MEF2A: variants seen among roughly 807,000 people sequenced by gnomAD.
MEF2A encodes the protein myocyte enhancer factor 2A.
In MEF2A, 28 loss-of-function variants were observed where a neutral mutation model predicts 55.8. The ratio of observed to expected loss-of-function variants is 0.50; its 90% CI spans 0.37 to 0.69. The LOEUF (loss-of-function observed/expected upper bound fraction) is 0.69, where lower values mean the gene tolerates loss of function less well. MEF2A is among the 30% of genes least tolerant of loss of function. The pLI is 0.00. For missense variants in MEF2A, 528 were observed against 626.2 expected (o/e 0.84, Z 1.67); for synonymous variants, 239 against 227.1 (o/e 1.05, Z -0.47).
intron 4 of MEF2A, among the ~76,000 whole-genome samples, chr15:99,670,158 T>C (rs1438410640): frequency 6.6e-6 from 1 of 152,218 alleles, no homozygotes; most frequent in Admixed American, 6.5e-5. Flanking sequence ...ATCTTCAAGC[T>C]CTTGGTTTTT....
intron 1 of MEF2A, among the ~76,000 whole-genome samples, chr15:99,595,084 T>G (rs1970705492): frequency 6.6e-6 from 1 of 152,240 alleles, no homozygotes; most frequent in African/African-American, 2.4e-5. Context: ...AAAGCATTCC[T>G]GGATTCTAAT....
intron 2 of MEF2A, among the ~76,000 whole-genome samples, chr15:99,612,212 G>A (rs776115211): frequency 6.6e-6 from 1 of 152,088 alleles, no homozygotes; most frequent in Non-Finnish European, 1.5e-5. Context: ...TCAGGAGATC[G>A]AGACTATCCT....
At chr15:99,691,418 C>A (rs1335434369) in intron 8 of MEF2A, among the ~76,000 whole-genome samples, 3 of 152,112 alleles carry the variant, frequency 2.0e-5, no homozygotes, top group Non-Finnish European at 4.4e-5. Flanking sequence ...ACATACCAGG[C>A]AGGGTACAGT....
chr15:99,692,400 C>T (rs2055656126), intron 8 of MEF2A, among the ~76,000 whole-genome samples: 1 of 152,184 alleles, frequency 6.6e-6, no homozygotes, highest in Non-Finnish European at 1.5e-5. Context: ...CTTGGATATA[C>T]AGAAAGTTCA....
In MEF2A at chr15:99,714,294, T is replaced by C. The variant is rs1368001509; in HGVS notation, c.*1523T>C. 1 of 152,216 alleles carries C rather than the reference T, an allele frequency of 6.6e-6. No individual in the cohort carries two copies. Among genetic ancestry groups the C allele is most frequent in the Non-Finnish European group, 1.5e-5 (1 of 68,038 alleles). The allele number at this position is 152,216 out of a possible 1,614,324, so 9.4% of individuals were successfully genotyped here. A position where few individuals can be genotyped will look rare whatever the true frequency, so the allele number is the denominator to read the frequency against. ...GAGGAAAAAATGTAGTAGAAAAAGC[T>C]GACCTAATTTAATTAATATTAGAGA... On this transcript the variant is annotated 3_prime_UTR_variant, in exon 12 of 12. Coordinates refer to ENST00000557942, the MANE Select transcript of MEF2A (RefSeq NM_001319206.4).
rs1300712296 is a variant in MEF2A at position 99,712,919 on chromosome 15, G to A, written c.*148G>A. 7 of 935,290 alleles carry A rather than the reference G, an allele frequency of 7.5e-6. No homozygotes were observed. Among genetic ancestry groups the A allele is most frequent in the Non-Finnish European group, 1.1e-5 (7 of 634,476 alleles). 57.9% of individuals were successfully genotyped at this position (935,290 alleles called of 1,614,324 possible). A position where few individuals can be genotyped will look rare whatever the true frequency, so the allele number is the denominator to read the frequency against. On this transcript the variant is annotated 3_prime_UTR_variant, in exon 12 of 12. Coordinates refer to ENST00000557942, the MANE Select transcript of MEF2A (RefSeq NM_001319206.4). This position sits in a 1 kb window ranked among gnomAD's most constrained non-coding sequence, Gnocchi z 4.1. ...CATATATATGTATGTGGGTGTGAGT[G>A]TGTATGTGTGGGTGTGTGTTACATA...
At chr15:99,709,486 T>G (rs963986199) in intron 10 of MEF2A, among the ~76,000 whole-genome samples, 1 of 152,102 alleles carries the variant, frequency 6.6e-6, no homozygotes, top group Non-Finnish European at 1.5e-5. Context: ...GTGTGACGGG[T>G]CCTTGCCCCA....
At chr15:99,576,115 C>T (rs1023787650) in intron 1 of MEF2A, among the ~76,000 whole-genome samples, 1 of 152,132 alleles carries the variant, frequency 6.6e-6, no homozygotes, top group Non-Finnish European at 1.5e-5. Context: ...ATTTAGAAAC[C>T]AGAAACCAGG....
chr15:99,712,920 T>TGTGC lies in MEF2A; in HGVS notation c.*151_*152insGCGT, dbSNP rs1567524061. On this transcript the variant is annotated 3_prime_UTR_variant, in exon 12 of 12. Coordinates refer to ENST00000557942, the MANE Select transcript of MEF2A (RefSeq NM_001319206.4). This position sits in a 1 kb window ranked among gnomAD's most constrained non-coding sequence, Gnocchi z 4.1. ...ATATATATGTATGTGGGTGTGAGTG[T>TGTGC]GTATGTGTGGGTGTGTGTTACATAC... 10 of 941,144 alleles carry TGTGC rather than the reference T, an allele frequency of 1.1e-5. No homozygotes were observed. Among genetic ancestry groups the TGTGC allele is most frequent in the Non-Finnish European group, 1.6e-5 (10 of 639,826 alleles). The allele number at this position is 941,144 out of a possible 1,614,324, so 58.3% of individuals were successfully genotyped here.
chr15:99,690,827 C>T (rs928478864), intron 8 of MEF2A, among the ~76,000 whole-genome samples: 3 of 151,990 alleles, frequency 2.0e-5, no homozygotes, highest in Non-Finnish European at 2.9e-5. Context: ...GGATGAAGAG[C>T]GGTTGATTCG....
intron 1 of MEF2A, among the ~76,000 whole-genome samples, chr15:99,568,175 T>G (rs925064334): frequency 6.6e-6 from 1 of 152,226 alleles, no homozygotes; most frequent in Non-Finnish European, 1.5e-5. Flanking sequence ...AAAAGTTTTT[T>G]AAAAAATTAA....
chr15:99,569,694 C>T (rs1961285651), intron 1 of MEF2A, among the ~76,000 whole-genome samples: 1 of 152,098 alleles, frequency 6.6e-6, no homozygotes, highest in East Asian at 1.9e-4. Context: ...TAGAAGAATA[C>T]TTCTGTAATC....
chr15:99,593,282 AC>A (rs1403427000), intron 1 of MEF2A, among the ~76,000 whole-genome samples: 1 of 152,110 alleles, frequency 6.6e-6, no homozygotes, highest in Non-Finnish European at 1.5e-5. Context: ...CCTTTTCTGC[AC>A]TGTCGTCCTG....
At chr15:99,606,125 C>CTT (rs1975028027) in intron 2 of MEF2A, among the ~76,000 whole-genome samples, 1 of 152,172 alleles carries the variant, frequency 6.6e-6, no homozygotes, top group Non-Finnish European at 1.5e-5. Context: ...CGGACACTTG[C>CTT]TTTATGACAA....
At position 99,678,719 on chromosome 15, in the gene MEF2A, G is replaced by A. The variant is rs564678955; in HGVS notation, c.670+3261G>A. On this transcript the variant is annotated intron_variant, in intron 7 of 11. Transcript: ENST00000557942. ...ACTGAACGAACTCAGGAAAGGCAAA[G>A]ACTTCTTAAATAAGAAACCAAAGAA... is the stretch of plus-strand genomic sequence containing the variant. The A allele has an allele frequency of 6.2e-6, 6 of 970,654 alleles. No homozygotes were observed. In the African/African-American group the frequency reaches 1.0e-4, roughly 17 times the overall value. The allele number at this position is 970,654 out of a possible 1,614,324, so 60.1% of individuals were successfully genotyped here. A position where few individuals can be genotyped will look rare whatever the true frequency, so the allele number is the denominator to read the frequency against.
At position 99,712,299 on chromosome 15, in the gene MEF2A, C is replaced by G. The variant is rs1597352638; in HGVS notation, c.1137-91C>G. On this transcript the variant is annotated intron_variant, in intron 11 of 11. Transcript: ENST00000557942. The surrounding 1 kb of genome is among the most constrained non-coding windows in gnomAD (Gnocchi z 4.1). ...TCTGATAAGATTTCAGACTCTGGGCCCTTTTCCATCAGGCAGTGTCTCTAC... is the reference window on the plus strand; with the variant it reads ...TCTGATAAGATTTCAGACTCTGGGCGCTTTTCCATCAGGCAGTGTCTCTAC... The G allele has an allele frequency of 6.2e-6, 9 of 1,440,626 alleles. No homozygotes were observed. In the East Asian group the frequency reaches 2.3e-4, roughly 36 times the overall value. The allele number at this position is 1,440,626 out of a possible 1,614,324, so 89.2% of individuals were successfully genotyped here.
chr15:99,640,254 G>A (rs1013145030), intron 3 of MEF2A, among the ~76,000 whole-genome samples: 1 of 152,212 alleles, frequency 6.6e-6, no homozygotes, highest in East Asian at 1.9e-4. Context: ...ATAATTGTAT[G>A]TACCACAATG....
intron 4 of MEF2A, among the ~76,000 whole-genome samples, chr15:99,667,428 G>C (rs548889904): frequency 6.6e-6 from 1 of 152,170 alleles, no homozygotes; most frequent in South Asian, 2.1e-4. Flanking sequence ...GTTTCACCGT[G>C]TTAGCAGGAT....
At chr15:99,592,332 G>A (rs1240051417) in intron 1 of MEF2A, among the ~76,000 whole-genome samples, 2 of 151,868 alleles carry the variant, frequency 1.3e-5, no homozygotes, top group Admixed American at 1.3e-4. Flanking sequence ...TCTTTGCCTG[G>A]CCTTGTGAAT....
Sources: gnomAD v4.1 joint callset for allele counts (sites outside exome capture counted in the v4.1 genomes callset) on GRCh38, gnomAD v4.1.1 for gene constraint, Gnocchi (gnomAD v3.1) non-coding constraint, MANE v1.5 for transcripts, NCBI Gene and HGNC (gene_info 2026-07-23, HGNC 2026-07-21) for gene names.